The following EVL variants were observed in gnomAD, a reference collection of about 807,000 sequenced individuals.
EVL encodes the protein ena/VASP-like protein.
Under a neutral mutation model 59.6 loss-of-function variants are expected in EVL, and 21 were observed. That is an observed-to-expected ratio of 0.35 (90% CI 0.25 to 0.51). The LOEUF (loss-of-function observed/expected upper bound fraction) is 0.51, where lower values mean the gene tolerates loss of function less well. Among genes scored for constraint, EVL ranks in the 20% least tolerant of loss-of-function variants. EVL has a pLI of 0.97. For synonymous variants in EVL, 198 were observed against 203.5 expected (o/e 0.97, Z 0.23); for missense variants, 462 against 546.6 (o/e 0.85, Z 1.54).
At chr14:100,045,773 T>G (rs957214564) in intron 1 of EVL, among the ~76,000 whole-genome samples, 2 of 152,188 alleles carry the variant, frequency 1.3e-5, no homozygotes, top group African/African-American at 4.8e-5. Context: ...GCCAGTGGTG[T>G]TTGTTCTCCC....
intron 2 of EVL, among the ~76,000 whole-genome samples, chr14:100,095,622 G>A (rs1314054486): frequency 6.6e-6 from 1 of 152,076 alleles, no homozygotes; most frequent in Non-Finnish European, 1.5e-5. Context: ...GGCACAAAGA[G>A]CAAAAAAACA....
At chr14:99,975,645 G>A (rs1191029) in intron 1 of EVL, among the ~76,000 whole-genome samples, 54,724 of 151,950 alleles carry the variant, frequency 0.36, 13,717 homozygotes, top group African/African-American at 0.71. Context: ...GATCCCTTGC[G>A]TGCACAGTTC....
At position 100,071,948 on chromosome 14, in the gene EVL, GA is replaced by G. The variant is rs1230354376; in HGVS notation, c.11+6446del. ...CCTGTTTCACACCTGTGCCCATTAA[GA>G]AAAAAAAATGGCACCCTATAAATGA... is the stretch of plus-strand genomic sequence containing the variant. On this transcript the variant is annotated intron_variant, in intron 1 of 13. Transcript: ENST00000392920. Among the ~76,000 whole-genome samples the G allele has an allele frequency of 8.6e-5, 13 of 150,386 alleles. No homozygotes were observed. The South Asian group carries it at 1.7e-3, about 20-fold the overall frequency.
intron 6 of EVL, 103 bp from the exon 7 acceptor site, chr14:100,129,460 A>C (rs1371146126): frequency 6.5e-7 from 1 of 1,536,938 alleles, no homozygotes; most frequent in Admixed American, 1.8e-5. Context: ...TGCTGCTGCC[A>C]TAGGATTCAC....
intron 1 of EVL, among the ~76,000 whole-genome samples, chr14:99,986,290 CAAAAA>C (rs3072366): frequency 7.6e-5 from 6 of 78,450 alleles, no homozygotes; most frequent in East Asian, 6.6e-4. Flanking sequence ...GACTCTGTCT[CAAAAA>C]AAAAAAAAAA....
intron 1 of EVL, among the ~76,000 whole-genome samples, chr14:100,007,154 C>G (rs2060987799): frequency 6.6e-6 from 1 of 151,938 alleles, no homozygotes; most frequent in African/African-American, 2.4e-5. Context: ...GTGGTCGGGG[C>G]ACAGTTTGGT....
chr14:100,082,462 C>A (rs1401014231), intron 1 of EVL, among the ~76,000 whole-genome samples: 1 of 152,142 alleles, frequency 6.6e-6, no homozygotes, highest in Non-Finnish European at 1.5e-5. Flanking sequence ...ACAGGCTCTG[C>A]AGAGCACCCT....
At chr14:100,090,285 C>T (rs1348759532) in intron 2 of EVL, among the ~76,000 whole-genome samples, 4 of 152,074 alleles carry the variant, frequency 2.6e-5, no homozygotes, top group African/African-American at 9.7e-5. Context: ...ATCCTATAAA[C>T]TAAAAACATA....
chr14:100,071,880 G>A (rs1190968), intron 1 of EVL, among the ~76,000 whole-genome samples: 143,600 of 152,236 alleles, frequency 0.94, 67,940 homozygotes, highest in African/African-American at 0.99. Flanking sequence ...CAGGCCTGAA[G>A]TACTTCACAA....
intron 1 of EVL, among the ~76,000 whole-genome samples, chr14:99,988,258 A>G (rs1037184179): frequency 2.6e-5 from 4 of 152,140 alleles, no homozygotes; most frequent in Admixed American, 6.5e-5. Flanking sequence ...TTGAATAGAT[A>G]CCTTTCTGAA....
At chr14:100,037,334 A>T (rs1349007789) in intron 1 of EVL, among the ~76,000 whole-genome samples, 1 of 152,224 alleles carries the variant, frequency 6.6e-6, no homozygotes, top group Admixed American at 6.5e-5. Flanking sequence ...GATTAAAGGA[A>T]TCACTTCCAG....
intron 1 of EVL, among the ~76,000 whole-genome samples, chr14:100,058,517 G>A (rs147243463): frequency 3.3e-5 from 5 of 152,248 alleles, no homozygotes; most frequent in East Asian, 3.9e-4. Context: ...AACAGGATAC[G>A]TTTCTTAACT....
chr14:100,055,914 C>T (rs2061724056), intron 1 of EVL, among the ~76,000 whole-genome samples: 1 of 152,122 alleles, frequency 6.6e-6, no homozygotes, highest in Non-Finnish European at 1.5e-5. Context: ...TGGGTTCAAG[C>T]CATTCTCCTG....
intron 1 of EVL, among the ~76,000 whole-genome samples, chr14:100,032,597 T>G (rs1294998886): frequency 6.6e-6 from 1 of 152,156 alleles, no homozygotes; most frequent in Non-Finnish European, 1.5e-5. Flanking sequence ...GCTTGGCTCC[T>G]TCCGCTCCAA....
intron 1 of EVL, among the ~76,000 whole-genome samples, chr14:100,055,194 C>T (rs1270872421): frequency 6.9e-6 from 1 of 144,858 alleles, no homozygotes; most frequent in Non-Finnish European, 1.5e-5. Flanking sequence ...GGTGAGACTC[C>T]TTAAAAAAAA....
In EVL at chr14:99,972,869, A is replaced by C. The variant is rs2060744531; in HGVS notation, c.5+812A>C. Among the ~76,000 whole-genome samples, 1 of 151,698 alleles carries C rather than the reference A, an allele frequency of 6.6e-6. No homozygotes were observed. The highest frequency in any genetic ancestry group is 1.5e-5 in the Non-Finnish European group (1 of 67,962). On this transcript the variant is annotated intron_variant, in intron 1 of 13. Coordinates refer to the EVL transcript ENST00000402714. This position sits in a 1 kb window ranked among gnomAD's most constrained non-coding sequence, Gnocchi z 4.4. ...CTCGTAAAAACTGTAGTTTGTAACTATAGTTTCGTTTTGCCTGTTTTGTAT... is the reference window on the plus strand; with the variant it reads ...CTCGTAAAAACTGTAGTTTGTAACTCTAGTTTCGTTTTGCCTGTTTTGTAT...
upstream of EVL, among the ~76,000 whole-genome samples, chr14:100,062,204 GTGTATATATATATATA>G (rs1020330136): frequency 1.9e-4 from 10 of 53,978 alleles, no homozygotes; most frequent in Admixed American, 1.2e-3. Flanking sequence ...AGTCAGCTGT[GTGTATATATATATATA>G]TGTATATATA....
chr14:100,141,714 C>G (rs779123114), intron 12 of EVL, 22 bp from the exon 13 acceptor site: 55 of 1,612,108 alleles, frequency 3.4e-5, no homozygotes, highest in Non-Finnish European at 4.4e-5. Context: ...GTCCCTTCAC[C>G]TGGACACTCC....
chr14:100,044,778 A>C (rs1221650345), intron 1 of EVL, among the ~76,000 whole-genome samples: 1 of 152,088 alleles, frequency 6.6e-6, no homozygotes, highest in Non-Finnish European at 1.5e-5. Context: ...AACAGCATGG[A>C]GTGTTTCAGC....
Sources: gnomAD v4.1 joint callset for allele counts (sites outside exome capture counted in the v4.1 genomes callset) on GRCh38, gnomAD v4.1.1 for gene constraint, Gnocchi (gnomAD v3.1) non-coding constraint, MANE v1.5 for transcripts, NCBI Gene and HGNC (gene_info 2026-07-23, HGNC 2026-07-21) for gene names.